Variants in NMNAT3 observed in about 807,000 individuals in gnomAD.
NMNAT3 encodes nicotinamide/nicotinic acid mononucleotide adenylyltransferase 3.
NMNAT3 carries 21 observed loss-of-function variants against 24.8 expected under a neutral mutation model. The ratio of observed to expected loss-of-function variants is 0.85; its 90% CI spans 0.60 to 1.22. The LOEUF is 1.22. Among genes scored for constraint, NMNAT3 ranks in the 50% most tolerant of loss-of-function variants. The pLI is 0.00. For missense variants in NMNAT3, 387 were observed against 436.6 expected (o/e 0.89, Z 1.01); for synonymous variants, 136 against 155.2 (o/e 0.88, Z 0.92).
At chr3:139,674,169 C>T (rs541985708) in intron 1 of NMNAT3, among the ~76,000 whole-genome samples, 1 of 152,350 alleles carries the variant, frequency 6.6e-6, no homozygotes, top group East Asian at 1.9e-4. Context: ...TCACCCTCAT[C>T]CCAGGCACTT....
intron 3 of NMNAT3, among the ~76,000 whole-genome samples, chr3:139,603,693 T>C (rs1296618100): frequency 6.6e-6 from 1 of 152,044 alleles, no homozygotes; most frequent in East Asian, 1.9e-4. Context: ...TATGCCTCAT[T>C]GCTATGCCAA....
At chr3:139,596,367 A>C (rs2054460329) in intron 3 of NMNAT3, among the ~76,000 whole-genome samples, 2 of 152,286 alleles carry the variant, frequency 1.3e-5, no homozygotes, top group South Asian at 4.1e-4. Flanking sequence ...CTCCACATTT[A>C]GGTTTTATGT....
intron 4 of NMNAT3, 129 bp from the exon 5 acceptor site, chr3:139,579,184 A>G (rs1576554178): frequency 4.1e-6 from 3 of 731,304 alleles, no homozygotes; most frequent in East Asian, 5.4e-5. Flanking sequence ...GCATTCTCTC[A>G]TGGGGGAGAA....
At chr3:139,607,617 A>C (rs1265131490) in intron 3 of NMNAT3, among the ~76,000 whole-genome samples, 1 of 151,354 alleles carries the variant, frequency 6.6e-6, no homozygotes, top group Non-Finnish European at 1.5e-5. Flanking sequence ...TTTGCATTTC[A>C]TCTTGGGTTC....
chr3:139,591,060 G>T (rs1404715294), intron 3 of NMNAT3, among the ~76,000 whole-genome samples: 1 of 151,858 alleles, frequency 6.6e-6, no homozygotes, highest in Non-Finnish European at 1.5e-5. Flanking sequence ...TGAGGTACCG[G>T]GTTCATCTCA....
In NMNAT3 at chr3:139,604,206, C is replaced by G. The variant is rs567910401; in HGVS notation, c.110-20998G>C. 3.3e-5 allele frequency among the ~76,000 whole-genome samples: 5 copies of G among 152,300 alleles called. No homozygotes were observed. In the South Asian group the frequency reaches 1.0e-3, roughly 32 times the overall value. ...GCTTCAGCTAGTTGTAAGGGAGCAG[C>G]CCCTGGTGCAAGCCACGTAGCAACT... On this transcript the variant is annotated intron_variant, in intron 3 of 6. Coordinates refer to ENST00000643695, the MANE Select transcript of NMNAT3 (RefSeq NM_001320510.2).
At chr3:139,594,990 G>C (rs1189985735) in intron 3 of NMNAT3, among the ~76,000 whole-genome samples, 1 of 151,966 alleles carries the variant, frequency 6.6e-6, no homozygotes, top group Admixed American at 6.6e-5. Context: ...GGAAATAAAG[G>C]GTATTCAATT....
chr3:139,677,395 A>T (rs2057965993), intron 1 of NMNAT3, among the ~76,000 whole-genome samples: 1 of 152,206 alleles, frequency 6.6e-6, no homozygotes, highest in Admixed American at 6.5e-5. Flanking sequence ...CACTGTGCTT[A>T]TATTTTTAAC....
intron 3 of NMNAT3, among the ~76,000 whole-genome samples, chr3:139,617,782 A>G (rs1428167647): frequency 6.6e-6 from 1 of 152,250 alleles, no homozygotes; most frequent in East Asian, 1.9e-4. Context: ...TCTATTAGTA[A>G]GTTTGTTGGG....
At chr3:139,613,981 C>G (rs2055359773) in intron 3 of NMNAT3, among the ~76,000 whole-genome samples, 1 of 151,346 alleles carries the variant, frequency 6.6e-6, no homozygotes, top group Non-Finnish European at 1.5e-5. Flanking sequence ...ACACCAGGGC[C>G]TGTTGTGGGG....
intron 4 of NMNAT3, among the ~76,000 whole-genome samples, chr3:139,582,659 A>AAAAAAAG (rs1326575446): frequency 4.3e-4 from 64 of 149,580 alleles, no homozygotes; most frequent in Non-Finnish European, 8.6e-4. Context: ...AAAAAAAAAA[A>AAAAAAAG]AAAAAGAAAA....
intron 5 of NMNAT3, among the ~76,000 whole-genome samples, chr3:139,578,332 A>G (rs1239796062): frequency 6.6e-6 from 1 of 152,234 alleles, no homozygotes; most frequent in Non-Finnish European, 1.5e-5. Flanking sequence ...TCTATTTCAC[A>G]TAAAAGTCTG....
At chr3:139,574,381 G>T (rs1559863097) in intron 5 of NMNAT3, among the ~76,000 whole-genome samples, 1 of 152,228 alleles carries the variant, frequency 6.6e-6, no homozygotes, top group African/African-American at 2.4e-5. Context: ...TGGTTATGAA[G>T]ATTAAAGGGG....
intron 6 of NMNAT3, among the ~76,000 whole-genome samples, chr3:139,573,093 G>A (rs983961887): frequency 6.6e-6 from 1 of 152,098 alleles, no homozygotes; most frequent in Non-Finnish European, 1.5e-5. Context: ...AACACTTCCT[G>A]GCTTACACAT....
chr3:139,602,826 T>C (rs1323270629), intron 3 of NMNAT3, among the ~76,000 whole-genome samples: 2 of 152,220 alleles, frequency 1.3e-5, no homozygotes. Flanking sequence ...ATTTTTGAGG[T>C]TTGTTTCTAA....
At chr3:139,581,072 G>T (rs1940107911) in intron 4 of NMNAT3, among the ~76,000 whole-genome samples, 1 of 152,110 alleles carries the variant, frequency 6.6e-6, no homozygotes, top group African/African-American at 2.4e-5. Context: ...AAGTATCCTA[G>T]CCAACATATT....
At chr3:139,645,922 A>T (rs1051033538) in intron 1 of NMNAT3, among the ~76,000 whole-genome samples, 8 of 152,114 alleles carry the variant, frequency 5.3e-5, no homozygotes, top group African/African-American at 1.9e-4. Context: ...TTGTAATAGA[A>T]TCATCAAAAG....
chr3:139,571,517 CTTT>C (rs200149503), intron 6 of NMNAT3: 1 of 151,402 alleles, frequency 6.6e-6, no homozygotes, highest in Non-Finnish European at 1.5e-5. Flanking sequence ...TGTAAACTTC[CTTT>C]TTTTTTAAAT....
At chr3:139,653,553 C>G (rs1013055970) in intron 1 of NMNAT3, among the ~76,000 whole-genome samples, 7 of 152,202 alleles carry the variant, frequency 4.6e-5, no homozygotes, top group Non-Finnish European at 8.8e-5. Flanking sequence ...CTTTTGGAAA[C>G]AAACAGCTGA....
Sources: allele counts gnomAD v4.1 joint callset (sites outside exome capture counted in the v4.1 genomes callset), GRCh38; gene constraint gnomAD v4.1.1; transcripts MANE v1.5; gene names NCBI Gene and HGNC (gene_info 2026-07-23, HGNC 2026-07-21).